Variants in PCDHGA3 observed in about 807,000 individuals in gnomAD.
PCDHGA3 encodes the protein protocadherin gamma-A3.
Under a neutral mutation model 58.5 loss-of-function variants are expected in PCDHGA3, and 40 were observed. That is an observed-to-expected ratio of 0.68 (90% CI 0.53 to 0.89). The LOEUF (loss-of-function observed/expected upper bound fraction) is 0.89, where lower values mean the gene tolerates loss of function less well. PCDHGA3 is among the 40% of genes least tolerant of loss of function. The pLI is 0.00. For synonymous variants in PCDHGA3, 530 were observed against 525.7 expected (o/e 1.01, Z -0.11); for missense variants, 1,223 against 1,195.9 (o/e 1.02, Z -0.33).
Position 141,487,256 on chromosome 5 carries a change from G to T in PCDHGA3, c.2425-7551G>T. On this transcript the variant is annotated intron_variant, in intron 1 of 3. Coordinates refer to ENST00000253812, the MANE Select transcript of PCDHGA3 (RefSeq NM_018916.4). This position sits in a 1 kb window ranked among gnomAD's most constrained non-coding sequence, Gnocchi z 5.0. Reference sequence around the variant, plus strand: ...ATCTCGTCTAACCCTCTACTTGGCTGTGTCCCTAGTGGCAATTTGCTTTGT... The same window carrying T: ...ATCTCGTCTAACCCTCTACTTGGCTTTGTCCCTAGTGGCAATTTGCTTTGT... The T allele has an allele frequency of 2.5e-6, 4 of 1,614,166 alleles. No homozygotes were observed. Among genetic ancestry groups the T allele is most frequent in the Non-Finnish European group, 2.5e-6 (3 of 1,180,032 alleles).
intron 1 of PCDHGA3, among the ~76,000 whole-genome samples, chr5:141,455,570 A>T (rs181469693): frequency 2.6e-5 from 4 of 152,222 alleles, no homozygotes; most frequent in Non-Finnish European, 5.9e-5. Context: ...TGGCCCTCCC[A>T]CCCCAGCCTT....
intron 1 of PCDHGA3, chr5:141,389,710 C>T: frequency 6.2e-7 from 1 of 1,612,586 alleles, no homozygotes; most frequent in Non-Finnish European, 8.5e-7. Flanking sequence ...GTGCTGCAGG[C>T]TAGCGAGCCC....
rs2096779089 is a variant in PCDHGA3, at chr5:141,423,760, G to GA, written c.2425-71047_2425-71046insA. On this transcript the variant is annotated intron_variant, in intron 1 of 3. Transcript: ENST00000253812. ...GTTATGAAAACTGTTTGGGGGGGGG[G>GA]TGGGGCGGCATATATTTAGTTCATA... 1.1e-5 allele frequency: 3 copies of GA among 279,664 alleles called. 1 individual carries two copies. Among genetic ancestry groups the GA allele is most frequent in the African/African-American group, 6.7e-5 (2 of 29,702 alleles). The allele number at this position is 279,664 out of a possible 1,614,324, so 17.3% of individuals were successfully genotyped here.
At chr5:141,413,070 T>G (rs990993849) in intron 1 of PCDHGA3, 1 of 1,195,014 alleles carries the variant, frequency 8.4e-7, no homozygotes, top group African/African-American at 1.5e-5. Context: ...GAATTTAAAG[T>G]GCCCAGGCTA....
In PCDHGA3 at chr5:141,431,544, T is replaced by C. The variant is rs1409551731; in HGVS notation, c.2425-63263T>C. 1.2e-6 allele frequency: 2 copies of C among 1,614,152 alleles called. No individual in the cohort carries two copies. The highest frequency in any genetic ancestry group is 2.2e-5 in the South Asian group (2 of 91,092). ...AATCTGGCCTTGGGCACGCAGCTGC[T>C]TGTAGTCAACGCTACCGACCCTGAC... On this transcript the variant is annotated intron_variant, in intron 1 of 3. Coordinates refer to ENST00000253812, the MANE Select transcript of PCDHGA3 (RefSeq NM_018916.4). The surrounding 1 kb of genome is among the most constrained non-coding windows in gnomAD (Gnocchi z 4.8).
chr5:141,383,692 C>T (rs1779370134), intron 1 of PCDHGA3: 4 of 1,613,888 alleles, frequency 2.5e-6, no homozygotes, highest in Non-Finnish European at 2.5e-6. Flanking sequence ...GCTCACGGTA[C>T]ATGCTATCGA....
At position 141,432,289 on chromosome 5, in the gene PCDHGA3, C is replaced by A. The variant is rs762278053; in HGVS notation, c.2425-62518C>A. 2 of 1,614,148 alleles carry A rather than the reference C, an allele frequency of 1.2e-6. No individual in the cohort carries two copies. Among genetic ancestry groups the A allele is most frequent in the African/African-American group, 2.7e-5 (2 of 74,952 alleles). On this transcript the variant is annotated intron_variant, in intron 1 of 3. Coordinates refer to ENST00000253812, the MANE Select transcript of PCDHGA3 (RefSeq NM_018916.4). The surrounding 1 kb of genome is among the most constrained non-coding windows in gnomAD (Gnocchi z 6.0). ...CGTCCTACGTGTCCATCAACTCCGA[C>A]ACTGGGGTACTGTATGCGCTGAGCT...
chr5:141,355,487 G>A (rs374822875), intron 1 of PCDHGA3: 2 of 1,613,940 alleles, frequency 1.2e-6, no homozygotes, highest in African/African-American at 1.3e-5. Context: ...GAGGAGCTCT[G>A]CGACAGATCT....
Position 141,501,330 on chromosome 5 carries a change from CA to C in PCDHGA3, c.2484-4062del, listed in dbSNP as rs1562200936. 1.8e-3 allele frequency among the ~76,000 whole-genome samples: 266 copies of C among 151,500 alleles called. 1 individual carries two copies. Among genetic ancestry groups the C allele is most frequent in the African/African-American group, 5.1e-3 (210 of 41,250 alleles). On this transcript the variant is annotated intron_variant, in intron 2 of 3. Transcript: ENST00000253812. ...ACACACACACACACACACACACACACACACCCCAAACTCAATAGGGCAAGAA... is the reference window on the plus strand; with the variant it reads ...ACACACACACACACACACACACACACCACCCCAAACTCAATAGGGCAAGAA...
chr5:141,365,580 A>G, intron 1 of PCDHGA3: 1 of 1,613,742 alleles, frequency 6.2e-7, no homozygotes, highest in South Asian at 1.1e-5. Flanking sequence ...GAGACTTCAG[A>G]TTATAATATC....
intron 1 of PCDHGA3, chr5:141,365,106 C>T (rs1561533210): frequency 6.2e-7 from 1 of 1,613,862 alleles, no homozygotes; most frequent in Non-Finnish European, 8.5e-7. Context: ...CCTGTGGGCA[C>T]TCGGCTGCTC....
At chr5:141,478,068 A>T (rs560968418) in intron 1 of PCDHGA3, 1 of 1,614,134 alleles carries the variant, frequency 6.2e-7, no homozygotes, top group East Asian at 2.2e-5. Flanking sequence ...ATCAAAGACA[A>T]TGGGGAGCCT....
rs376515666 is a variant in PCDHGA3, at chr5:141,394,832, C to T, written c.2424+48375C>T. On this transcript the variant is annotated intron_variant, in intron 1 of 3. Coordinates refer to ENST00000253812, the MANE Select transcript of PCDHGA3 (RefSeq NM_018916.4). The stretch of plus-strand genomic sequence containing the variant: ...CTGACAGCATCCCCGAAGTCCTGAC[C>T]GAGTTGGGCAGTCTGAAGCCTTCGG... The T allele has an allele frequency of 1.5e-5, 24 of 1,613,710 alleles. No individual in the cohort carries two copies. In the East Asian group the frequency reaches 3.3e-4, roughly 22 times the overall value.
chr5:141,447,824 G>T (rs926580893), intron 1 of PCDHGA3, among the ~76,000 whole-genome samples: 2 of 152,034 alleles, frequency 1.3e-5, no homozygotes, highest in Non-Finnish European at 2.9e-5. Context: ...GGTGGCTCAC[G>T]CCTGTAATCC....
chr5:141,445,137 T>C (rs933188032), intron 1 of PCDHGA3, among the ~76,000 whole-genome samples: 9 of 152,248 alleles, frequency 5.9e-5, no homozygotes, highest in Admixed American at 3.3e-4. Context: ...AAATTGTATC[T>C]TCTAATTGTT....
chr5:141,484,000 G>C (rs1425172275), intron 1 of PCDHGA3, among the ~76,000 whole-genome samples: 1 of 147,812 alleles, frequency 6.8e-6, no homozygotes, highest in Admixed American at 6.8e-5. Context: ...TGGGAGGTCT[G>C]GATGAGGGTG....
chr5:141,502,087 C>T (rs1289663374), intron 2 of PCDHGA3, among the ~76,000 whole-genome samples: 1 of 152,180 alleles, frequency 6.6e-6, no homozygotes, highest in Admixed American at 6.5e-5. Context: ...GGGCTGAGAA[C>T]ACCTGGCCTT....
At chr5:141,351,158 A>C in intron 1 of PCDHGA3, 2 of 1,614,062 alleles carry the variant, frequency 1.2e-6, no homozygotes, top group South Asian at 2.2e-5. Context: ...CATCACAACC[A>C]ATGGCACATT....
intron 1 of PCDHGA3, among the ~76,000 whole-genome samples, chr5:141,407,479 T>C (rs1042229151): frequency 1.4e-5 from 2 of 144,060 alleles, no homozygotes; most frequent in East Asian, 1.9e-4. Context: ...GAATGGAGTA[T>C]GGAAAATCTT....
Sources: gnomAD v4.1 joint callset for allele counts (sites outside exome capture counted in the v4.1 genomes callset) on GRCh38, gnomAD v4.1.1 for gene constraint, Gnocchi (gnomAD v3.1) non-coding constraint, MANE v1.5 for transcripts, NCBI Gene and HGNC (gene_info 2026-07-23, HGNC 2026-07-21) for gene names.